CNTNAP5: variants seen among roughly 807,000 people sequenced by gnomAD.
CNTNAP5 encodes contactin associated protein family member 5.
A neutral mutation model predicts 150.2 loss-of-function variants in CNTNAP5; 72 were observed. The ratio of observed to expected loss-of-function variants is 0.48; its 90% CI spans 0.40 to 0.58. CNTNAP5 has a LOEUF of 0.58. CNTNAP5 is among the 20% of genes least tolerant of loss of function. The probability of loss-of-function intolerance (pLI) is 0.00; values close to 1 mark genes in which losing one functional copy is unlikely to be tolerated. For synonymous variants in CNTNAP5, 672 were observed against 619.8 expected (o/e 1.08, Z -1.25); for missense variants, 1,636 against 1,626.2 (o/e 1.01, Z -0.10).
intron 19 of CNTNAP5, among the ~76,000 whole-genome samples, chr2:124,836,043 G>T (rs1481298933): frequency 1.3e-5 from 2 of 152,104 alleles, no homozygotes; most frequent in African/African-American, 4.8e-5. Context: ...ACCATGGTAA[G>T]AAACTGCACC....
intron 9 of CNTNAP5, among the ~76,000 whole-genome samples, chr2:124,526,735 T>C (rs1417304776): frequency 2.6e-5 from 4 of 152,188 alleles, no homozygotes; most frequent in African/African-American, 9.6e-5. Context: ...GCAAAACATC[T>C]GATTTTGCTT....
Position 124,490,417 on chromosome 2 carries a change from GGAAA to G in CNTNAP5, c.1063-13857_1063-13854del, listed in dbSNP as rs779447558. On this transcript the variant is annotated intron_variant, in intron 7 of 23. Transcript: ENST00000682447. ...AGGGAGGGAGAAAGGAAGGAAGGAA[GGAAA>G]GAAAGAAAGAAAGAAAGGGAAAGAG... Among the ~76,000 whole-genome samples the G allele has an allele frequency of 3.9e-3, 568 of 147,176 alleles. 6 individuals are homozygous for G. The highest frequency in any genetic ancestry group is 7.8e-3 in the South Asian group (36 of 4,622).
chr2:124,305,701 C>T (rs1331496391), intron 3 of CNTNAP5, among the ~76,000 whole-genome samples: 1 of 152,252 alleles, frequency 6.6e-6, no homozygotes, highest in Non-Finnish European at 1.5e-5. Flanking sequence ...ACTTCTTGCC[C>T]TTTTGCTCTT....
intron 17 of CNTNAP5, among the ~76,000 whole-genome samples, chr2:124,785,077 A>C (rs948155639): frequency 1.3e-5 from 2 of 151,904 alleles, no homozygotes; most frequent in African/African-American, 4.8e-5. Context: ...AAGAAAAAGA[A>C]AAAAAACCCT....
intron 13 of CNTNAP5, among the ~76,000 whole-genome samples, chr2:124,696,122 A>G (rs1033332620): frequency 1.3e-5 from 2 of 152,178 alleles, no homozygotes; most frequent in Non-Finnish European, 2.9e-5. Flanking sequence ...GGTAAAGGTC[A>G]TGATGCTGCT....
intron 13 of CNTNAP5, among the ~76,000 whole-genome samples, chr2:124,674,383 C>T (rs1423732930): frequency 7.3e-6 from 1 of 136,204 alleles, no homozygotes; most frequent in Non-Finnish European, 1.6e-5. Context: ...TTCCCTCCCT[C>T]CTTTGTTCTT....
intron 6 of CNTNAP5, among the ~76,000 whole-genome samples, chr2:124,468,207 G>T (rs1014528691): frequency 3.9e-5 from 6 of 152,084 alleles, no homozygotes; most frequent in Non-Finnish European, 8.8e-5. Context: ...AAGGAGAATT[G>T]ACTCACACAA....
chr2:124,332,584 C>G (rs1689376687), intron 3 of CNTNAP5, among the ~76,000 whole-genome samples: 1 of 151,452 alleles, frequency 6.6e-6, no homozygotes, highest in African/African-American at 2.4e-5. Context: ...TTTCATCTTA[C>G]TTGGAAATGA....
At chr2:124,748,733 C>A (rs1680659747) in intron 14 of CNTNAP5, among the ~76,000 whole-genome samples, 1 of 152,228 alleles carries the variant, frequency 6.6e-6, no homozygotes, top group Non-Finnish European at 1.5e-5. Flanking sequence ...TCATTGGGTC[C>A]TAGGAGATGT....
Position 124,874,785 on chromosome 2 carries a change from C to T in CNTNAP5, c.3436+5023C>T, listed in dbSNP as rs115870094. Among the ~76,000 whole-genome samples the T allele has an allele frequency of 4.1e-3, 626 of 152,040 alleles. 7 individuals are homozygous for T. The highest frequency in any genetic ancestry group is 0.015 in the African/African-American group (606 of 41,506). ...CTATTGCTACCAAATTCTGAAGAGA[C>T]ATTAAAATGGAATTTGCACTCATGG... On this transcript the variant is annotated intron_variant, in intron 21 of 23. Coordinates refer to ENST00000682447, the MANE Select transcript of CNTNAP5 (RefSeq NM_001367498.1).
At chr2:124,230,611 A>G (rs1234302767) in intron 2 of CNTNAP5, among the ~76,000 whole-genome samples, 1 of 151,512 alleles carries the variant, frequency 6.6e-6, no homozygotes, top group Non-Finnish European at 1.5e-5. Flanking sequence ...GGCTCACTGC[A>G]ACCTCTGCCT....
intron 1 of CNTNAP5, among the ~76,000 whole-genome samples, chr2:124,193,150 C>G (rs1685498945): frequency 6.6e-6 from 1 of 152,060 alleles, no homozygotes; most frequent in Admixed American, 6.5e-5. Flanking sequence ...ATAAGGACAC[C>G]AGTCATACTG....
At chr2:124,551,468 C>T (rs142993262) in intron 10 of CNTNAP5, among the ~76,000 whole-genome samples, 106 of 152,214 alleles carry the variant, frequency 7.0e-4, no homozygotes, top group African/African-American at 1.6e-3. Context: ...CTGACCAAAA[C>T]GAGATCAATG....
intron 4 of CNTNAP5, among the ~76,000 whole-genome samples, chr2:124,425,460 C>G (rs1348517878): frequency 2.0e-5 from 3 of 152,170 alleles, no homozygotes; most frequent in Non-Finnish European, 1.5e-5. Context: ...TGCCACAACA[C>G]GGGTTGATCA....
Position 124,109,532 on chromosome 2 carries a change from C to T in CNTNAP5, c.82+83800C>T, listed in dbSNP as rs567522514. On this transcript the variant is annotated intron_variant, in intron 1 of 23. Coordinates refer to ENST00000682447, the MANE Select transcript of CNTNAP5 (RefSeq NM_001367498.1). ...TTCAGATAACAAGCGTATCCTGGAACAAAAGTTGTGGTCCTTCAGGGAATA... is the reference window on the plus strand; with the variant it reads ...TTCAGATAACAAGCGTATCCTGGAATAAAAGTTGTGGTCCTTCAGGGAATA... Among the ~76,000 whole-genome samples the T allele has an allele frequency of 1.7e-4, 26 of 152,330 alleles. No homozygotes were observed. The Middle Eastern group carries it at 0.014, about 80-fold the overall frequency.
chr2:124,626,788 A>G (rs1024918595), intron 12 of CNTNAP5, among the ~76,000 whole-genome samples: 1 of 152,164 alleles, frequency 6.6e-6, no homozygotes, highest in Non-Finnish European at 1.5e-5. Flanking sequence ...CCATGGGCCC[A>G]GCAAGCTAAG....
At chr2:124,807,441 T>C (rs898598868) in intron 19 of CNTNAP5, among the ~76,000 whole-genome samples, 2 of 152,172 alleles carry the variant, frequency 1.3e-5, no homozygotes, top group Non-Finnish European at 2.9e-5. Context: ...AGCTAATACC[T>C]ATCAAGTGCT....
chr2:124,419,962 C>CTCTT (rs1692052476), intron 4 of CNTNAP5, among the ~76,000 whole-genome samples: 1 of 18,906 alleles, frequency 5.3e-5, no homozygotes, highest in Non-Finnish European at 1.1e-4. Flanking sequence ...CTTTCCTTTT[C>CTCTT]TCTCTCTCTC....
intron 11 of CNTNAP5, among the ~76,000 whole-genome samples, chr2:124,605,484 T>C (rs1697082676): frequency 6.6e-6 from 1 of 151,980 alleles, no homozygotes; most frequent in African/African-American, 2.4e-5. Context: ...TAATTCCTGG[T>C]TAAATTATCT....
Sources: gnomAD v4.1 joint callset for allele counts (sites outside exome capture counted in the v4.1 genomes callset) on GRCh38, gnomAD v4.1.1 for gene constraint, MANE v1.5 for transcripts, NCBI Gene and HGNC (gene_info 2026-07-23, HGNC 2026-07-21) for gene names.